The following CEP128 variants were observed in gnomAD, a reference collection of about 807,000 sequenced individuals.
CEP128 encodes the protein centrosomal protein 128kDa.
Under a neutral mutation model 156.7 loss-of-function variants are expected in CEP128, and 132 were observed. That is an observed-to-expected ratio of 0.84 (90% CI 0.73 to 0.97). The LOEUF (loss-of-function observed/expected upper bound fraction) is 0.97, where lower values mean the gene tolerates loss of function less well. Ranked by LOEUF, CEP128 falls within the 50% of genes least tolerant of loss-of-function variation. CEP128 has a pLI of 0.00. For missense variants in CEP128, 1,252 were observed against 1,281.9 expected, an observed-to-expected ratio of 0.98 and a Z score of 0.36; for synonymous variants, 469 against 448.9, an observed-to-expected ratio of 1.04 and a Z score of -0.57.
chr14:80,489,137 TA>T (rs200250048), downstream of CEP128, among the ~76,000 whole-genome samples: 11 of 143,230 alleles, frequency 7.7e-5, no homozygotes, highest in East Asian at 4.1e-4. Context: ...AGTATAATAA[TA>T]AAAAAAAAGA....
rs1885783163 is a variant in CEP128, at chr14:80,831,302, G to C, written c.1058-8C>G. On this transcript the variant is annotated splice_region_variant and splice_polypyrimidine_tract_variant and intron_variant, in intron 12 of 24. Coordinates refer to ENST00000555265, the MANE Select transcript of CEP128 (RefSeq NM_152446.5). Reference sequence around the variant, plus strand: ...GTTTTTCCCGCTCAACCCCTTAAAAGATAAAATGTAAGGCTCAAGGGTTGT... The same window carrying C: ...GTTTTTCCCGCTCAACCCCTTAAAACATAAAATGTAAGGCTCAAGGGTTGT... 1 of 1,613,512 alleles carries C rather than the reference G, an allele frequency of 6.2e-7. No homozygotes were observed. The highest frequency in any genetic ancestry group is 1.3e-5 in the African/African-American group (1 of 74,864).
intron 19 of CEP128, among the ~76,000 whole-genome samples, chr14:80,717,789 C>A (rs1056859325): frequency 4.3e-4 from 66 of 152,194 alleles, no homozygotes; most frequent in African/African-American, 1.6e-3. Context: ...ATACCCAGAG[C>A]CTCTATCTAC....
intron 2 of CEP128, among the ~76,000 whole-genome samples, chr14:80,952,919 A>G (rs55751898): frequency 0.21 from 31,315 of 152,172 alleles, 3,652 homozygotes; most frequent in Admixed American, 0.28. Flanking sequence ...AATTCATTAT[A>G]TGACACAAAC....
chr14:80,591,754 A>T (rs924807766), intron 19 of CEP128, among the ~76,000 whole-genome samples: 23 of 152,214 alleles, frequency 1.5e-4, no homozygotes, highest in Admixed American at 9.8e-4. Flanking sequence ...ACATAATTGG[A>T]AGTAAAACAC....
At chr14:80,584,598 T>G (rs1392909101) in intron 19 of CEP128, among the ~76,000 whole-genome samples, 1 of 152,216 alleles carries the variant, frequency 6.6e-6, no homozygotes, top group South Asian at 2.1e-4. Context: ...GCATTTGGAA[T>G]GATGAACACG....
At chr14:80,538,215 G>T (rs879789412) in intron 21 of CEP128, among the ~76,000 whole-genome samples, 10 of 151,968 alleles carry the variant, frequency 6.6e-5, no homozygotes, top group Admixed American at 5.9e-4. Context: ...ACGTGAAGAG[G>T]TCAGTGACCA....
intron 9 of CEP128, among the ~76,000 whole-genome samples, chr14:80,848,459 AG>A (rs952792842): frequency 1.3e-5 from 2 of 152,136 alleles, no homozygotes; most frequent in African/African-American, 4.8e-5. Context: ...CAGGAGTTTG[AG>A]ACCAGCCTGG....
At chr14:80,531,220 C>T (rs1008748025) in intron 21 of CEP128, among the ~76,000 whole-genome samples, 2 of 152,136 alleles carry the variant, frequency 1.3e-5, no homozygotes, top group African/African-American at 4.8e-5. Context: ...CTTCAGTGAA[C>T]ATCAGAAATA....
intron 19 of CEP128, among the ~76,000 whole-genome samples, chr14:80,617,217 A>ACCTTTTTTTTTTTTTTTTTTTTT (rs1491470595): frequency 4.6e-5 from 2 of 43,140 alleles, no homozygotes; most frequent in Non-Finnish European, 1.0e-4. Context: ...TGTGAATATC[A>ACCTTTTTTTTTTTTTTTTTTTTT]TCTTTTTTTT....
intron 19 of CEP128, among the ~76,000 whole-genome samples, chr14:80,735,006 A>T (rs960417123): frequency 3.3e-5 from 5 of 152,102 alleles, no homozygotes; most frequent in Admixed American, 1.3e-4. Context: ...AAACCATATG[A>T]CCTAACAGGT....
rs767099184 is a variant in CEP128 at position 80,761,472 on chromosome 14, T to C, written c.2518A>G (p.Lys840Glu). 1.2e-6 allele frequency: 2 copies of C among 1,611,868 alleles called. No homozygotes were observed. Among genetic ancestry groups the C allele is most frequent in the East Asian group, 4.5e-5 (2 of 44,842 alleles). The stretch of plus-strand genomic sequence containing the variant: ...TCCACTGAGTCCTTGGAGAATGTTT[T>C]ACAAGCTGCATCAATTTCCTTTCCT... ...VIGKEIDAAC[K>E]TFSKDSVEKL... Residue 840 changes from lysine (K) to glutamate (E), a missense_variant, in exon 17 of 25, where the codon AAA (lysine) becomes GAA (glutamate). Physicochemically the swap from Lys to Glu is moderately conservative, Grantham distance 56. Coordinates refer to ENST00000555265, the MANE Select transcript of CEP128 (RefSeq NM_152446.5).
intron 19 of CEP128, among the ~76,000 whole-genome samples, chr14:80,626,470 CAAAAAAAAAAA>C (rs60238276): frequency 1.4e-4 from 11 of 80,690 alleles, no homozygotes; most frequent in African/African-American, 5.1e-4. Context: ...GACTCCGTCT[CAAAAAAAAAAA>C]AAAAAAAAAA....
In CEP128 at chr14:80,496,651, G is replaced by T. The variant is rs1887507269; in HGVS notation, c.*828C>A. ...TTAGACACTTTGATGAAAAAAGTTG[G>T]GATGGTAGAAGCAGATAGGACCAAA... On this transcript the variant is annotated 3_prime_UTR_variant, in exon 25 of 25. Transcript: ENST00000555265. 1 of 152,212 alleles carries T rather than the reference G, an allele frequency of 6.6e-6. No homozygotes were observed. Among genetic ancestry groups the T allele is most frequent in the East Asian group, 1.9e-4 (1 of 5,182 alleles). 9.4% of individuals were successfully genotyped at this position (152,212 alleles called of 1,614,324 possible). A position where few individuals can be genotyped will look rare whatever the true frequency, so the allele number is the denominator to read the frequency against.
At chr14:80,486,990 A>ACAT (rs1887180277), downstream of CEP128, among the ~76,000 whole-genome samples, 2 of 152,186 alleles carry the variant, frequency 1.3e-5, 1 homozygote, top group South Asian at 4.1e-4. Flanking sequence ...TAACCAGCTA[A>ACAT]CATCATAATG....
At chr14:80,862,656 G>T in intron 9 of CEP128, 101 bp downstream of exon 9, 1 of 783,944 alleles carries the variant, frequency 1.3e-6, no homozygotes, top group Non-Finnish European at 2.2e-6. Context: ...ATACTTCTCA[G>T]ATGGGTTGAA....
intron 19 of CEP128, among the ~76,000 whole-genome samples, chr14:80,621,069 C>G (rs976362885): frequency 1.1e-4 from 17 of 152,240 alleles, no homozygotes; most frequent in African/African-American, 3.9e-4. Flanking sequence ...ATACACGACA[C>G]CAACATTTTC....
chr14:80,509,329 T>C (rs1888137346), intron 23 of CEP128, among the ~76,000 whole-genome samples: 1 of 152,232 alleles, frequency 6.6e-6, no homozygotes, highest in Admixed American at 6.5e-5. Context: ...GTCTTTTGGG[T>C]TAAAAGCCAC....
intron 19 of CEP128, among the ~76,000 whole-genome samples, chr14:80,629,353 G>C (rs981066835): frequency 6.6e-6 from 1 of 152,052 alleles, no homozygotes; most frequent in African/African-American, 2.4e-5. Flanking sequence ...ACATCTAGCA[G>C]GTGAACACTT....
chr14:80,537,811 A>G (rs572021476), intron 21 of CEP128, among the ~76,000 whole-genome samples: 10 of 152,318 alleles, frequency 6.6e-5, no homozygotes, highest in African/African-American at 2.4e-4. Flanking sequence ...CACAGGTCCC[A>G]AACACGTGTA....
Sources: allele counts gnomAD v4.1 joint callset (sites outside exome capture counted in the v4.1 genomes callset), GRCh38; gene constraint gnomAD v4.1.1; transcripts MANE v1.5; gene names NCBI Gene and HGNC (gene_info 2026-07-23, HGNC 2026-07-21).